The following PABPC4L variants were observed in gnomAD, a reference collection of about 807,000 sequenced individuals.
The protein encoded by PABPC4L is polyadenylate-binding protein 4-like.
For missense variants in PABPC4L, 452 were observed against 451.4 expected, an observed-to-expected ratio of 1.00 and a Z score of -0.01; for synonymous variants, 169 against 164.1, an observed-to-expected ratio of 1.03 and a Z score of -0.23.
At chr4:134,157,872 G>A in the PABPC4L span, among the ~76,000 whole-genome samples, 1 of 151,476 alleles carries the variant, frequency 6.6e-6, no homozygotes, top group Non-Finnish European at 1.5e-5. Flanking sequence ...CATTACACTA[G>A]AATTAATATA....
the PABPC4L span, among the ~76,000 whole-genome samples, chr4:133,995,064 A>G: frequency 6.6e-6 from 1 of 152,168 alleles, no homozygotes; most frequent in East Asian, 1.9e-4. Flanking sequence ...CATCTGACTG[A>G]GAAAACCCAC....
chr4:134,116,969 T>G, the PABPC4L span, among the ~76,000 whole-genome samples: 1 of 151,766 alleles, frequency 6.6e-6, no homozygotes, highest in Non-Finnish European at 1.5e-5. Context: ...TATTCTATGA[T>G]ATTTAGGTTA....
At chr4:133,959,351 A>C in the PABPC4L span, among the ~76,000 whole-genome samples, 44 of 152,208 alleles carry the variant, frequency 2.9e-4, 1 homozygote, top group Admixed American at 2.9e-3. Flanking sequence ...TGTCTTTTTC[A>C]GATAAATACT....
the PABPC4L span, among the ~76,000 whole-genome samples, chr4:134,159,779 C>T: frequency 7.0e-4 from 107 of 152,168 alleles, no homozygotes; most frequent in Non-Finnish European, 1.4e-3. Context: ...TGGAGTGAGA[C>T]CCAGAGTGTC....
At chr4:134,028,297 C>G in the PABPC4L span, among the ~76,000 whole-genome samples, 8 of 152,090 alleles carry the variant, frequency 5.3e-5, no homozygotes, top group African/African-American at 1.9e-4. Flanking sequence ...AAAAGATCGA[C>G]CTTATCATAG....
chr4:133,993,983 G>C, the PABPC4L span, among the ~76,000 whole-genome samples: 2 of 152,084 alleles, frequency 1.3e-5, no homozygotes, highest in Admixed American at 1.3e-4. Context: ...ATATTGATAG[G>C]CTGAGTGGAA....
the PABPC4L span, among the ~76,000 whole-genome samples, chr4:134,125,418 C>A: frequency 6.6e-6 from 1 of 152,054 alleles, no homozygotes; most frequent in East Asian, 1.9e-4. Flanking sequence ...CCCATTAACT[C>A]GTCATTTCAA....
chr4:134,175,001 C>T, the PABPC4L span, among the ~76,000 whole-genome samples: 2 of 151,978 alleles, frequency 1.3e-5, no homozygotes, highest in African/African-American at 4.8e-5. Context: ...TATTTTATGG[C>T]CATGTGTTTA....
At chr4:133,977,912 A>G in the PABPC4L span, 4 of 152,210 alleles carry the variant, frequency 2.6e-5, no homozygotes, top group Non-Finnish European at 5.9e-5. Context: ...CTATTAGAAT[A>G]AAAGGTCAGA....
the PABPC4L span, among the ~76,000 whole-genome samples, chr4:134,134,323 A>G: frequency 1.3e-5 from 2 of 152,158 alleles, no homozygotes; most frequent in African/African-American, 4.8e-5. Context: ...AATGTATCCT[A>G]ATATAATGAC....
chr4:134,122,084 A>G, the PABPC4L span, among the ~76,000 whole-genome samples: 22 of 151,910 alleles, frequency 1.4e-4, no homozygotes, highest in Admixed American at 1.3e-3. Flanking sequence ...TGACACAACT[A>G]CACTACCATA....
downstream of PABPC4L, among the ~76,000 whole-genome samples, chr4:134,192,173 A>C (rs1031000207): frequency 6.6e-6 from 1 of 152,172 alleles, no homozygotes; most frequent in African/African-American, 2.4e-5. Flanking sequence ...ACACAAATGA[A>C]TATTATACAG....
chr4:134,046,995 C>T, the PABPC4L span, among the ~76,000 whole-genome samples: 1 of 152,238 alleles, frequency 6.6e-6, no homozygotes, highest in African/African-American at 2.4e-5. Context: ...AAAAAACAAA[C>T]ACTGGCTGGT....
chr4:133,996,918 C>T, the PABPC4L span, among the ~76,000 whole-genome samples: 1 of 152,314 alleles, frequency 6.6e-6, no homozygotes, highest in South Asian at 2.1e-4. Flanking sequence ...AGGTTGGTTT[C>T]TAGAGACAAA....
chr4:134,082,595 A>T, the PABPC4L span, among the ~76,000 whole-genome samples: 1 of 152,238 alleles, frequency 6.6e-6, no homozygotes, highest in East Asian at 1.9e-4. Flanking sequence ...AAAATTGTGT[A>T]AATATAAAAA....
the PABPC4L span, among the ~76,000 whole-genome samples, chr4:134,142,745 A>G: frequency 1.3e-5 from 2 of 151,606 alleles, no homozygotes; most frequent in South Asian, 2.1e-4. Context: ...TGTTTCTAAT[A>G]TGAACACTCA....
the PABPC4L span, among the ~76,000 whole-genome samples, chr4:134,061,368 A>G: frequency 3.3e-5 from 5 of 152,180 alleles, no homozygotes; most frequent in South Asian, 1.0e-3. Flanking sequence ...CACCGAATTA[A>G]AGATCAATGA....
chr4:133,984,658 G>A, the PABPC4L span, among the ~76,000 whole-genome samples: 1 of 151,876 alleles, frequency 6.6e-6, no homozygotes, highest in Non-Finnish European at 1.5e-5. Flanking sequence ...GGTGTGACAT[G>A]AAATTTCTTT....
chr4:133,986,579 A>T, the PABPC4L span, among the ~76,000 whole-genome samples: 1 of 152,158 alleles, frequency 6.6e-6, no homozygotes, highest in Non-Finnish European at 1.5e-5. Flanking sequence ...AAAGTACTGA[A>T]ATTGATTTGC....
Sources: allele counts gnomAD v4.1 joint callset (sites outside exome capture counted in the v4.1 genomes callset), GRCh38; gene constraint gnomAD v4.1.1; transcripts MANE v1.5; gene names NCBI Gene and HGNC (gene_info 2026-07-23, HGNC 2026-07-21).